HOXB3: variants seen among roughly 807,000 people sequenced by gnomAD.
HOXB3 encodes homeobox protein Hox-B3.
A neutral mutation model predicts 29.2 loss-of-function variants in HOXB3; 17 were observed. The ratio of observed to expected loss-of-function variants is 0.58; its 90% CI spans 0.40 to 0.87. The LOEUF (loss-of-function observed/expected upper bound fraction) is 0.87. Ranked by LOEUF, HOXB3 falls within the 40% of genes least tolerant of loss-of-function variation. The probability of loss-of-function intolerance (pLI) is 0.00; values close to 1 mark genes in which losing one functional copy is unlikely to be tolerated. For missense variants in HOXB3, 637 were observed against 616.3 expected, an observed-to-expected ratio of 1.03 and a Z score of -0.35; for synonymous variants, 317 against 285.9, an observed-to-expected ratio of 1.11 and a Z score of -1.10.
intron 1 of HOXB3, chr17:48,578,151 G>A (rs897116852): frequency 1.3e-6 from 2 of 1,586,656 alleles, no homozygotes; most frequent in African/African-American, 1.3e-5. Context: ...CACGCCGCGC[G>A]CCGCCCGAAG....
At position 48,569,261 on chromosome 17, in the gene HOXB3, A is replaced by G. The variant is rs560774224; in HGVS notation, c.-247+4576T>C. ...TCGATTTCAGGCTCAAAGGACCACT[A>G]TGACCTTCCCCTTCAGGAGGAGAAA... On this transcript the variant is annotated intron_variant, in intron 2 of 4. Coordinates refer to ENST00000498678, the MANE Select transcript of HOXB3 (RefSeq NM_001384749.1). 3.9e-5 allele frequency among the ~76,000 whole-genome samples: 6 copies of G among 152,206 alleles called. No homozygotes were observed. The East Asian group carries it at 9.6e-4, about 24-fold the overall frequency.
At chr17:48,559,242 G>A (rs936639294) in intron 2 of HOXB3, among the ~76,000 whole-genome samples, 1 of 152,094 alleles carries the variant, frequency 6.6e-6, no homozygotes, top group African/African-American at 2.4e-5. Flanking sequence ...CGGCGGGATC[G>A]TGCCTGTTTC....
At chr17:48,567,157 G>A (rs1277509517) in intron 2 of HOXB3, among the ~76,000 whole-genome samples, 1 of 152,142 alleles carries the variant, frequency 6.6e-6, no homozygotes, top group East Asian at 1.9e-4. Context: ...GAATTGGGAG[G>A]CTTCACCCAC....
intron 1 of HOXB3, among the ~76,000 whole-genome samples, chr17:48,588,384 C>T (rs2070085329): frequency 1.3e-5 from 2 of 152,204 alleles, no homozygotes; most frequent in South Asian, 2.1e-4. Flanking sequence ...TTAGAGCCTA[C>T]AGAACTGACA....
intron 1 of HOXB3, among the ~76,000 whole-genome samples, chr17:48,584,391 C>T (rs971640167): frequency 6.6e-6 from 1 of 152,182 alleles, no homozygotes; most frequent in African/African-American, 2.4e-5. Flanking sequence ...GGCCCATGCT[C>T]ATGGACCCCA....
chr17:48,550,547 C>A lies in HOXB3; in HGVS notation c.1083G>T (p.Pro361=), dbSNP rs768828936. The A allele has an allele frequency of 6.5e-7, 1 of 1,530,290 alleles. No individual in the cohort carries two copies. 94.8% of individuals were successfully genotyped at this position (1,530,290 alleles called of 1,614,324 possible). A position where few individuals can be genotyped will look rare whatever the true frequency, so the allele number is the denominator to read the frequency against. The change falls in exon 5 of 5, where the codon CCG becomes CCT. Residue 361 remains proline (P), a synonymous_variant. Transcript: ENST00000498678. ...GGGAGGGGCCGGCAGGGGGCGGCAG[C>A]GGATCCGCGTAGCCGCCCCCGCCCA... The part of the protein sequence containing the change: ...VYVGGGGYAD[P]LPPPAGPSLY...
At chr17:48,576,650 T>TCCCC in intron 1 of HOXB3, 1 of 567,770 alleles carries the variant, frequency 1.8e-6, no homozygotes, top group Non-Finnish European at 2.6e-6. Context: ...CCCCCTCCTG[T>TCCCC]CCCCCCACCC....
rs147101175 is a variant in HOXB3 at position 48,578,475 on chromosome 17, G to A, written c.-424-4461C>T. The A allele has an allele frequency of 1.6e-3, 1,479 of 947,640 alleles. 2 individuals carry two copies. Among genetic ancestry groups the A allele is most frequent in the Non-Finnish European group, 1.9e-3 (1,284 of 660,648 alleles). 58.7% of individuals were successfully genotyped at this position (947,640 alleles called of 1,614,324 possible). Reference sequence around the variant, plus strand: ...AATGGCCGCCCCGCCTGCGATTCCCGGATAAGGAAATCTGCTCACCCGGAC... The same window carrying A: ...AATGGCCGCCCCGCCTGCGATTCCCAGATAAGGAAATCTGCTCACCCGGAC... On this transcript the variant is annotated intron_variant, in intron 1 of 4. Transcript: ENST00000498678.
In HOXB3 at chr17:48,549,501, G is replaced by A. The variant is rs1416653342; in HGVS notation, c.*833C>T. ...TTCACGTTAAGTCAAGAGAGCAACA[G>A]AAGAAAAGTATAGAACCTCGTGTCA... On this transcript the variant is annotated 3_prime_UTR_variant, in exon 5 of 5. Coordinates refer to ENST00000498678, the MANE Select transcript of HOXB3 (RefSeq NM_001384749.1). 3.3e-5 allele frequency: 5 copies of A among 152,644 alleles called. No individual in the cohort carries two copies. Among genetic ancestry groups the A allele is most frequent in the African/African-American group, 1.2e-4 (5 of 41,434 alleles). The allele number at this position is 152,644 out of a possible 1,614,324, so 9.5% of individuals were successfully genotyped here. A position where few individuals can be genotyped will look rare whatever the true frequency, so the allele number is the denominator to read the frequency against.
rs78391542 is a variant in HOXB3 at position 48,555,589 on chromosome 17, G to C, written c.-217C>G. 2 of 702,766 alleles carry C rather than the reference G, an allele frequency of 2.8e-6. No homozygotes were observed. The highest frequency in any genetic ancestry group is 5.2e-6 in the Non-Finnish European group (2 of 384,828). 43.5% of individuals were successfully genotyped at this position (702,766 alleles called of 1,614,324 possible). A position where few individuals can be genotyped will look rare whatever the true frequency, so the allele number is the denominator to read the frequency against. On this transcript the variant is annotated 5_prime_UTR_variant, in exon 3 of 5. Coordinates refer to ENST00000498678, the MANE Select transcript of HOXB3 (RefSeq NM_001384749.1). ...TAATATATATTCACATCGAGCCCCAGAGCGAGCGGCAGGCGACAAATCTCC... is the reference window on the plus strand; with the variant it reads ...TAATATATATTCACATCGAGCCCCACAGCGAGCGGCAGGCGACAAATCTCC...
chr17:48,577,936 G>A (rs1427641944), intron 1 of HOXB3: 2 of 1,345,374 alleles, frequency 1.5e-6, no homozygotes, highest in Non-Finnish European at 1.9e-6. Flanking sequence ...ACGGGCTGGG[G>A]TGCAGGGGGT....
intron 2 of HOXB3, among the ~76,000 whole-genome samples, chr17:48,562,032 CACT>C (rs1314444779): frequency 1.3e-5 from 2 of 152,194 alleles, no homozygotes; most frequent in East Asian, 3.8e-4. Flanking sequence ...TGCTTACCAC[CACT>C]GAGCACCAAC....
Position 48,551,057 on chromosome 17 carries a change from C to T in HOXB3, c.573G>A (p.Ala191=), listed in dbSNP as rs778997239. ...GCTGCGCGCTCGTGTACGCCGTCCG[C>T]GCCCGCTTGGACGCCGCCGACCCCG... ...SPPGSAASKR[A]RTAYTSAQLV... is the part of the protein sequence containing the mutation. The change falls in exon 5 of 5, where the codon GCG becomes GCA. Residue 191 remains alanine, a synonymous_variant. Transcript: ENST00000498678. 1.8e-5 allele frequency: 28 copies of T among 1,582,250 alleles called. No individual in the cohort carries two copies. In the African/African-American group the frequency reaches 2.7e-4, roughly 15 times the overall value.
rs147016278 is a variant in HOXB3 at position 48,565,345 on chromosome 17, C to G, written c.-247+8492G>C. On this transcript the variant is annotated intron_variant, in intron 2 of 4. Coordinates refer to ENST00000498678, the MANE Select transcript of HOXB3 (RefSeq NM_001384749.1). ...GATTTAGCACCCCCAAGGGCCTACT[C>G]TAGAGGCAGTTGTTTCTGAGATGGC... 2.9e-3 allele frequency among the ~76,000 whole-genome samples: 441 copies of G among 152,342 alleles called. 4 individuals are homozygous for G. In the East Asian group the frequency reaches 0.049, roughly 17 times the overall value.
chr17:48,556,429 C>T (rs1227485677), intron 2 of HOXB3: 1 of 152,090 alleles, frequency 6.6e-6, no homozygotes, highest in Non-Finnish European at 1.5e-5. Flanking sequence ...CACTCTGGCT[C>T]CCTCCTTCTG....
chr17:48,558,660 G>A (rs1024667066), intron 2 of HOXB3, among the ~76,000 whole-genome samples: 2 of 152,130 alleles, frequency 1.3e-5, no homozygotes, highest in African/African-American at 4.8e-5. Context: ...GGACTGAGGT[G>A]TTGCTGCTAG....
chr17:48,577,720 C>G, intron 1 of HOXB3: 1 of 708,274 alleles, frequency 1.4e-6, no homozygotes, highest in South Asian at 6.4e-5. Flanking sequence ...TGAAAACAGG[C>G]GACCGTAAAT....
At chr17:48,572,997 C>T (rs905678325) in intron 2 of HOXB3, among the ~76,000 whole-genome samples, 2 of 152,170 alleles carry the variant, frequency 1.3e-5, no homozygotes, top group African/African-American at 4.8e-5. Flanking sequence ...GCCTCCAAAC[C>T]CTAAGTGAGG....
chr17:48,576,774 C>T (rs778874678), intron 1 of HOXB3: 2 of 1,613,858 alleles, frequency 1.2e-6, no homozygotes, highest in Non-Finnish European at 1.7e-6. Flanking sequence ...TCCGGCTGAG[C>T]CTGCCGCACC....
Sources: allele counts gnomAD v4.1 joint callset (sites outside exome capture counted in the v4.1 genomes callset), GRCh38; gene constraint gnomAD v4.1.1; transcripts MANE v1.5; gene names NCBI Gene and HGNC (gene_info 2026-07-23, HGNC 2026-07-21).